EYS: variants seen among roughly 807,000 people sequenced by gnomAD.
EYS encodes the protein EGF-like photoreceptor maintenance factor.
EYS carries 250 observed loss-of-function variants against 282.1 expected under a neutral mutation model. The observed-to-expected ratio is 0.89, with a 90% confidence interval of 0.80 to 0.98. The LOEUF is 0.98. Among genes scored for constraint, EYS ranks in the 50% least tolerant of loss-of-function variants. The probability of loss-of-function intolerance (pLI) is 0.00; values close to 1 mark genes in which losing one functional copy is unlikely to be tolerated. For synonymous variants in EYS, 1,355 were observed against 1,282.9 expected, an observed-to-expected ratio of 1.06 and a Z score of -1.20; for missense variants, 4,016 against 3,709.0, an observed-to-expected ratio of 1.08 and a Z score of -2.15.
intron 19 of EYS, among the ~76,000 whole-genome samples, chr6:64,838,644 G>A (rs866519982): frequency 0.039 from 3,435 of 87,224 alleles, 133 homozygotes; most frequent in African/African-American, 0.12. Context: ...ACACACACAC[G>A]CATGCACGCA....
At chr6:64,120,548 A>G (rs191150777) in intron 31 of EYS, among the ~76,000 whole-genome samples, 53 of 152,128 alleles carry the variant, frequency 3.5e-4, no homozygotes, top group Admixed American at 2.0e-3. Flanking sequence ...AAAATTCTTT[A>G]GATTTGAGAT....
At chr6:64,160,069 C>G (rs1457052387) in intron 31 of EYS, among the ~76,000 whole-genome samples, 1 of 152,130 alleles carries the variant, frequency 6.6e-6, no homozygotes, top group Non-Finnish European at 1.5e-5. Flanking sequence ...CGAGTTGCCA[C>G]CCCAATGATC....
intron 11 of EYS, among the ~76,000 whole-genome samples, chr6:65,311,822 C>A (rs1261209874): frequency 1.3e-5 from 2 of 152,092 alleles, no homozygotes; most frequent in African/African-American, 4.8e-5. Flanking sequence ...GTGTAGGTAG[C>A]ATTACTAAAC....
At chr6:64,476,361 GTATTAA>G (rs1257030930) in intron 26 of EYS, among the ~76,000 whole-genome samples, 23 of 151,942 alleles carry the variant, frequency 1.5e-4, no homozygotes, top group African/African-American at 5.3e-4. Context: ...AAGAAGTGAT[GTATTAA>G]TATTATTTTT....
intron 31 of EYS, among the ~76,000 whole-genome samples, chr6:64,197,311 A>G (rs564313472): frequency 6.6e-6 from 1 of 152,042 alleles, no homozygotes; most frequent in South Asian, 2.1e-4. Context: ...TTACCCTTAT[A>G]CTTTTAGCCA....
chr6:65,296,641 A>G (rs1180867306), intron 11 of EYS, among the ~76,000 whole-genome samples: 1 of 151,846 alleles, frequency 6.6e-6, no homozygotes, highest in Non-Finnish European at 1.5e-5. Flanking sequence ...CTTTAAATCT[A>G]TAATATTTTG....
At chr6:64,061,139 G>T (rs1016573965) in intron 33 of EYS, among the ~76,000 whole-genome samples, 3 of 152,112 alleles carry the variant, frequency 2.0e-5, no homozygotes, top group African/African-American at 7.2e-5. Context: ...TCTAAGGAAG[G>T]GGGAATAGGC....
chr6:64,455,026 G>T lies in EYS; in HGVS notation c.5645-15674C>A, dbSNP rs536708402. ...ACTCATTATATTGATGTATAGACAT[G>T]CAATTCATTTACATATTGAGCAACC... is the stretch of plus-strand genomic sequence containing the variant. On this transcript the variant is annotated intron_variant, in intron 26 of 42. Transcript: ENST00000503581. 2.0e-5 allele frequency among the ~76,000 whole-genome samples: 3 copies of T among 152,150 alleles called. No individual in the cohort carries two copies. In the East Asian group the frequency reaches 5.8e-4, roughly 29 times the overall value.
At position 64,230,739 on chromosome 6, in the gene EYS, C is replaced by G; in HGVS notation, c.6277G>C (p.Val2093Leu). The stretch of plus-strand genomic sequence containing the variant: ...GAGGGTGCTGCAACAGAGGGGCTGA[C>G]AGAAGTCCACATGGTATCAACCCCT... ...TQGVDTMWTS[V>L]SPSVAAPSVC... The change falls in exon 31 of 43, where the codon GTC (valine) becomes CTC (leucine). Residue 2093 changes from valine (V) to leucine (L), a missense_variant. Transcript: ENST00000503581. 1.9e-6 allele frequency: 3 copies of G among 1,551,578 alleles called. No homozygotes were observed. The highest frequency in any genetic ancestry group is 2.6e-6 in the Non-Finnish European group (3 of 1,146,902).
intron 2 of EYS, among the ~76,000 whole-genome samples, chr6:65,496,406 T>C (rs765041969): frequency 6.6e-6 from 1 of 152,046 alleles, no homozygotes; most frequent in Non-Finnish European, 1.5e-5. Context: ...CTACCAATTA[T>C]TGAAGGTTTT....
intron 2 of EYS, among the ~76,000 whole-genome samples, chr6:65,628,127 G>T (rs571273749): frequency 6.6e-6 from 1 of 152,114 alleles, no homozygotes; most frequent in South Asian, 2.1e-4. Flanking sequence ...GTATCTAGCT[G>T]CTCTGGTGGG....
intron 5 of EYS, among the ~76,000 whole-genome samples, chr6:65,421,109 T>C (rs917166817): frequency 1.6e-4 from 24 of 151,902 alleles, no homozygotes; most frequent in African/African-American, 5.8e-4. Flanking sequence ...GTCTGTTCTT[T>C]GAAGGTTTAA....
At chr6:64,869,553 T>C (rs1413068587) in intron 19 of EYS, among the ~76,000 whole-genome samples, 1 of 151,576 alleles carries the variant, frequency 6.6e-6, no homozygotes, top group Admixed American at 6.6e-5. Flanking sequence ...AAAAAAATCT[T>C]AGTTGAGACC....
intron 26 of EYS, among the ~76,000 whole-genome samples, chr6:64,521,645 G>T (rs765013836): frequency 2.0e-5 from 3 of 151,734 alleles, no homozygotes; most frequent in East Asian, 1.9e-4. Context: ...TCAAAGAAAG[G>T]TTCTTCTTGA....
intron 2 of EYS, among the ~76,000 whole-genome samples, chr6:65,512,024 CA>C (rs1337542645): frequency 1.4e-5 from 2 of 142,786 alleles, no homozygotes; most frequent in Non-Finnish European, 3.0e-5. Flanking sequence ...CACCTAAAAT[CA>C]TATAACTTGT....
At chr6:65,293,081 G>A (rs1443725196) in intron 12 of EYS, among the ~76,000 whole-genome samples, 2 of 151,528 alleles carry the variant, frequency 1.3e-5, no homozygotes, top group South Asian at 2.1e-4. Context: ...AATCCTATTG[G>A]TTAAAGGAGA....
chr6:65,005,897 G>A (rs1172552221), intron 13 of EYS, among the ~76,000 whole-genome samples: 1 of 152,140 alleles, frequency 6.6e-6, no homozygotes, highest in Non-Finnish European at 1.5e-5. Flanking sequence ...CCTGGGTCCC[G>A]ACCACGACTT....
chr6:65,183,506 C>A (rs866252790), intron 12 of EYS, among the ~76,000 whole-genome samples: 13 of 151,864 alleles, frequency 8.6e-5, no homozygotes, highest in Middle Eastern at 3.4e-3. Flanking sequence ...AAATACATAT[C>A]TTATAGTACT....
At chr6:64,136,637 T>A (rs969275383) in intron 31 of EYS, among the ~76,000 whole-genome samples, 1 of 152,136 alleles carries the variant, frequency 6.6e-6, no homozygotes, top group Non-Finnish European at 1.5e-5. Context: ...CCGTCAGAGC[T>A]CTTGGATGAC....
Sources: gnomAD v4.1 joint callset for allele counts (sites outside exome capture counted in the v4.1 genomes callset) on GRCh38, gnomAD v4.1.1 for gene constraint, MANE v1.5 for transcripts, NCBI Gene and HGNC (gene_info 2026-07-23, HGNC 2026-07-21) for gene names.